Variants in PHF2 observed in about 807,000 individuals in gnomAD.
The protein encoded by PHF2 is PHD finger protein 2.
In PHF2, 27 loss-of-function variants were observed where a neutral mutation model predicts 120.5. The observed-to-expected ratio is 0.22, with a 90% CI of 0.17 to 0.31. PHF2 has a LOEUF of 0.31. Among genes scored for constraint, PHF2 ranks in the 10% least tolerant of loss-of-function variants. The pLI is 1.00. For missense variants in PHF2, 1,024 were observed against 1,434.8 expected, an observed-to-expected ratio of 0.71 and a Z score of 4.63; for synonymous variants, 568 against 592.5, an observed-to-expected ratio of 0.96 and a Z score of 0.60.
At chr9:93,663,057 T>A (rs748793745) in intron 13 of PHF2, 31 bp downstream of exon 13, 1 of 1,613,204 alleles carries the variant, frequency 6.2e-7, no homozygotes. Flanking sequence ...TGCACACGTG[T>A]GTGTGTCAGC....
intron 1 of PHF2, among the ~76,000 whole-genome samples, chr9:93,600,624 A>G (rs1479704654): frequency 2.6e-5 from 4 of 152,152 alleles, no homozygotes; most frequent in African/African-American, 7.2e-5. Context: ...TGACACAGCC[A>G]TCTCGCAGGT....
intron 4 of PHF2, among the ~76,000 whole-genome samples, chr9:93,647,754 G>A (rs1201547701): frequency 2.0e-5 from 3 of 152,140 alleles, no homozygotes; most frequent in Non-Finnish European, 4.4e-5. Context: ...GCCAGGTGTG[G>A]TGGTGGCACC....
At chr9:93,668,907 A>C (rs980108175) in intron 17 of PHF2, among the ~76,000 whole-genome samples, 2 of 152,162 alleles carry the variant, frequency 1.3e-5, no homozygotes, top group African/African-American at 4.8e-5. Context: ...TTGATGGTCT[A>C]TTTGCTCTGT....
intron 2 of PHF2, among the ~76,000 whole-genome samples, chr9:93,634,535 G>A (rs1826059403): frequency 6.6e-6 from 1 of 152,224 alleles, no homozygotes; most frequent in Non-Finnish European, 1.5e-5. Flanking sequence ...CTTGCAAACT[G>A]CAACAGGAGG....
At chr9:93,606,670 G>T (rs1333863275) in intron 1 of PHF2, among the ~76,000 whole-genome samples, 2 of 152,120 alleles carry the variant, frequency 1.3e-5, no homozygotes, top group Admixed American at 6.5e-5. Flanking sequence ...TTTCTTAACA[G>T]TGTCTTTTGC....
At chr9:93,582,782 G>A (rs1010833801) in intron 1 of PHF2, among the ~76,000 whole-genome samples, 2 of 152,202 alleles carry the variant, frequency 1.3e-5, no homozygotes, top group African/African-American at 4.8e-5. Flanking sequence ...TCCAAAGGAG[G>A]CGTGTCTTGA....
In PHF2 at chr9:93,673,631, C is replaced by A; in HGVS notation, c.2395C>A (p.Leu799Met). 6.3e-7 allele frequency: 1 copy of A among 1,599,750 alleles called. No homozygotes were observed. Residue 799 changes from leucine (L) to methionine (M), a missense_variant, in exon 18 of 22, where the codon CTG becomes ATG. Transcript: ENST00000359246. ...PSTQEAIQGM[L>M]SMANLQASDS... ...CACACAGGAAGCCATTCAGGGAATG[C>A]TGTCCATGGCCAACCTGCAGGCCTC...
At chr9:93,662,831 CAG>C (rs1234529807) in intron 12 of PHF2, 74 bp from the exon 13 acceptor site, 21 of 1,564,910 alleles carry the variant, frequency 1.3e-5, no homozygotes, top group Non-Finnish European at 1.7e-5. Flanking sequence ...CAGAAGAAGA[CAG>C]GGAATCTGTG....
chr9:93,654,672 C>A, intron 7 of PHF2, 97 bp downstream of exon 7: 2 of 1,184,762 alleles, frequency 1.7e-6, no homozygotes, highest in Non-Finnish European at 2.5e-6. Context: ...ACCATGGGGT[C>A]TCTTCGGCAT....
chr9:93,588,376 C>T (rs1055776923), intron 1 of PHF2, among the ~76,000 whole-genome samples: 2 of 152,162 alleles, frequency 1.3e-5, no homozygotes, highest in Non-Finnish European at 2.9e-5. Context: ...GTGAGAGGTC[C>T]GTTCTAGCCT....
chr9:93,676,143 G>A lies in PHF2; in HGVS notation c.2832+354G>A, dbSNP rs117655392. ...GTTGTCCTCAGTTGGGAAATGAGGT[G>A]TTCTGTCTCTACATGCTCCTAAAAA... On this transcript the variant is annotated intron_variant, in intron 20 of 21. Transcript: ENST00000359246. Among the ~76,000 whole-genome samples, 439 of 152,248 alleles carry A rather than the reference G, an allele frequency of 2.9e-3. 1 individual carries two copies. Among genetic ancestry groups the A allele is most frequent in the Non-Finnish European group, 5.2e-3 (352 of 68,022 alleles).
rs200919035 is a variant in PHF2, at chr9:93,593,084, CAAAA to C, written c.98+16237_98+16240del. On this transcript the variant is annotated intron_variant, in intron 1 of 21. Coordinates refer to ENST00000359246, the MANE Select transcript of PHF2 (RefSeq NM_005392.4). The stretch of plus-strand genomic sequence containing the variant: ...TCTTTGCTTTTCTTGTCCTTTATGC[CAAAA>C]AAAAAAAAAAAAAAAAAAAAAAAGA... Among the ~76,000 whole-genome samples, 146 of 83,384 alleles carry C rather than the reference CAAAA, an allele frequency of 1.8e-3. 3 individuals carry two copies. The highest frequency in any genetic ancestry group is 3.1e-3 in the African/African-American group (56 of 17,798). The allele number at this position is 83,384 out of a possible 152,430, so 54.7% of individuals were successfully genotyped here.
At chr9:93,592,358 A>G (rs1392876392) in intron 1 of PHF2, among the ~76,000 whole-genome samples, 1 of 152,104 alleles carries the variant, frequency 6.6e-6, no homozygotes, top group Non-Finnish European at 1.5e-5. Flanking sequence ...TCATTTGGGG[A>G]GCGCAGCATC....
In PHF2 at chr9:93,676,909, C is replaced by A; in HGVS notation, c.3148C>A (p.Leu1050Ile). ...TSQPMAPGVF[L>I]TQRRPSASSP... ...CCAGCCCATGGCCCCTGGGGTCTTT[C>A]TCACACAGAGGCGGCCCTCCGCATC... Residue 1050 changes from leucine to isoleucine, a missense_variant, in exon 21 of 22, where the codon CTC becomes ATC. By Grantham distance (5) the Leu-to-Ile change is conservative. Transcript: ENST00000359246. The A allele has an allele frequency of 6.3e-7, 1 of 1,581,162 alleles. No individual in the cohort carries two copies. The highest frequency in any genetic ancestry group is 8.6e-7 in the Non-Finnish European group (1 of 1,162,382).
chr9:93,602,944 G>A (rs1825469340), intron 1 of PHF2, among the ~76,000 whole-genome samples: 1 of 152,132 alleles, frequency 6.6e-6, no homozygotes, highest in African/African-American at 2.4e-5. Context: ...GCCCTACCCA[G>A]GGGTCTCAGG....
chr9:93,586,701 G>A (rs575889474), intron 1 of PHF2, among the ~76,000 whole-genome samples: 2 of 152,378 alleles, frequency 1.3e-5, no homozygotes, highest in Admixed American at 1.3e-4. Context: ...GACTGGGCTT[G>A]GTTCCTTGTT....
chr9:93,630,067 A>G lies in PHF2; in HGVS notation c.184+12A>G. On this transcript the variant is annotated intron_variant, in intron 2 of 21. Transcript: ENST00000359246. ...TGGGAAGTCCACCTGTAAGTACCGC[A>G]GCCCAAGCGGCCATCTCTTGCGGAA... 3.1e-6 allele frequency: 5 copies of G among 1,611,924 alleles called. No homozygotes were observed. The South Asian group carries it at 5.5e-5, about 18-fold the overall frequency.
intron 1 of PHF2, among the ~76,000 whole-genome samples, chr9:93,591,599 A>T (rs1488897049): frequency 6.6e-6 from 1 of 152,104 alleles, no homozygotes; most frequent in African/African-American, 2.4e-5. Flanking sequence ...CCTTACACTG[A>T]ATTTTTTTCT....
chr9:93,669,209 G>A (rs1479124106), intron 17 of PHF2, among the ~76,000 whole-genome samples: 1 of 152,204 alleles, frequency 6.6e-6, no homozygotes, highest in East Asian at 1.9e-4. Context: ...AGCCCCCCGT[G>A]GCTAAGTGCA....
Sources: gnomAD v4.1 joint callset for allele counts (sites outside exome capture counted in the v4.1 genomes callset) on GRCh38, gnomAD v4.1.1 for gene constraint, MANE v1.5 for transcripts, NCBI Gene and HGNC (gene_info 2026-07-23, HGNC 2026-07-21) for gene names.